Variants in KCMF1 observed in about 807,000 individuals in gnomAD.
KCMF1 encodes the protein potassium channel modulatory factor 1.
In KCMF1, 3 loss-of-function variants were observed where a neutral mutation model predicts 41.1. The observed-to-expected ratio is 0.07, with a 90% CI of 0.03 to 0.19. The LOEUF is 0.19. KCMF1 is among the 10% of genes least tolerant of loss of function. The probability of loss-of-function intolerance (pLI) is 1.00; values close to 1 mark genes in which losing one functional copy is unlikely to be tolerated. For missense variants in KCMF1, 286 were observed against 488.9 expected (o/e 0.58, Z 3.91); for synonymous variants, 142 against 164.5 (o/e 0.86, Z 1.04).
At chr2:85,009,753 G>A (rs72928897) in intron 1 of KCMF1, among the ~76,000 whole-genome samples, 252 of 152,150 alleles carry the variant, frequency 1.7e-3, no homozygotes, top group African/African-American at 5.9e-3. Context: ...CGTTTTCAAC[G>A]ATGCCTTGAG....
At chr2:85,021,030 T>G (rs1021059885) in intron 1 of KCMF1, among the ~76,000 whole-genome samples, 1 of 152,126 alleles carries the variant, frequency 6.6e-6, no homozygotes, top group Non-Finnish European at 1.5e-5. Context: ...CCACCACACT[T>G]AGCCAACTTT....
intron 5 of KCMF1, among the ~76,000 whole-genome samples, chr2:85,048,552 A>G (rs1180502609): frequency 1.3e-5 from 2 of 152,260 alleles, no homozygotes; most frequent in African/African-American, 2.4e-5. Context: ...AGTGTCTGCA[A>G]GGCAGTCATC....
chr2:85,045,838 T>A (rs375058594), intron 4 of KCMF1, among the ~76,000 whole-genome samples: 13 of 152,274 alleles, frequency 8.5e-5, no homozygotes, highest in African/African-American at 2.9e-4. Flanking sequence ...TAGGTGGTAT[T>A]TGAGATTTCA....
chr2:84,983,138 A>G (rs1243880977), intron 1 of KCMF1, among the ~76,000 whole-genome samples: 4 of 152,216 alleles, frequency 2.6e-5, no homozygotes, highest in Non-Finnish European at 2.9e-5. Context: ...ATTGGCATAG[A>G]CCATTGCTAT....
chr2:85,008,390 A>AT (rs1674563278), intron 1 of KCMF1, among the ~76,000 whole-genome samples: 1 of 109,160 alleles, frequency 9.2e-6, no homozygotes, highest in Non-Finnish European at 2.0e-5. Context: ...ATTATATATG[A>AT]TATATATTAT....
At chr2:85,024,571 AGAGAGAGAGAGAGT>A (rs1408673759) in intron 1 of KCMF1, among the ~76,000 whole-genome samples, 5 of 141,808 alleles carry the variant, frequency 3.5e-5, no homozygotes, top group South Asian at 2.3e-4. Context: ...AGAGAGAGAG[AGAGAGAGAGAGAGT>A]GTGTGTGTGT....
intron 1 of KCMF1, among the ~76,000 whole-genome samples, chr2:85,003,196 G>A (rs959902412): frequency 2.0e-4 from 30 of 152,272 alleles, no homozygotes; most frequent in African/African-American, 6.5e-4. Flanking sequence ...CTTGTTGGCC[G>A]GGCGCGGTGG....
rs534074087 is a variant in KCMF1 at position 85,054,462 on chromosome 2, T to C, written c.*1053T>C. On this transcript the variant is annotated 3_prime_UTR_variant, in exon 7 of 7. Coordinates refer to ENST00000409785, the MANE Select transcript of KCMF1 (RefSeq NM_020122.5). ...ATTCTTAATGCTAATTTTAGCACCTTTTATTTATTGGGTTTTTTCTGGCAT... is the reference window on the plus strand; with the variant it reads ...ATTCTTAATGCTAATTTTAGCACCTCTTATTTATTGGGTTTTTTCTGGCAT... The C allele has an allele frequency of 2.6e-5, 4 of 152,296 alleles. No individual in the cohort carries two copies. In the East Asian group the frequency reaches 7.7e-4, roughly 29 times the overall value. The allele number at this position is 152,296 out of a possible 1,614,324, so 9.4% of individuals were successfully genotyped here.
chr2:85,033,790 TG>T (rs1675344291), intron 2 of KCMF1, among the ~76,000 whole-genome samples: 1 of 152,014 alleles, frequency 6.6e-6, no homozygotes, highest in African/African-American at 2.4e-5. Context: ...AATTACCTAC[TG>T]GGAAAAAAAG....
At chr2:85,039,875 C>T (rs868214242) in intron 3 of KCMF1, among the ~76,000 whole-genome samples, 2 of 152,026 alleles carry the variant, frequency 1.3e-5, no homozygotes, top group South Asian at 2.1e-4. Context: ...TGCGATGGTG[C>T]GATCTCGGCT....
At chr2:84,999,472 T>G (rs1674275939) in intron 1 of KCMF1, among the ~76,000 whole-genome samples, 2 of 152,334 alleles carry the variant, frequency 1.3e-5, no homozygotes, top group South Asian at 4.1e-4. Context: ...TTATAACAAA[T>G]AATTTAATGC....
chr2:85,008,340 G>A (rs868145789), intron 1 of KCMF1, among the ~76,000 whole-genome samples: 3 of 27,316 alleles, frequency 1.1e-4, no homozygotes, highest in Admixed American at 6.4e-4. Context: ...TATATAATAT[G>A]ATATATAATA....
chr2:84,998,473 G>C (rs1224787642), intron 1 of KCMF1, among the ~76,000 whole-genome samples: 2 of 152,100 alleles, frequency 1.3e-5, no homozygotes, highest in African/African-American at 4.8e-5. Context: ...CTGATTTGCA[G>C]TATAGTCTGA....
intron 2 of KCMF1, among the ~76,000 whole-genome samples, chr2:85,033,200 A>G (rs76175650): frequency 0.08 from 12,136 of 152,278 alleles, 770 homozygotes; most frequent in East Asian, 0.34. Flanking sequence ...ATCTCCCTAA[A>G]AATGAATATG....
intron 3 of KCMF1, among the ~76,000 whole-genome samples, chr2:85,038,610 T>G (rs562838964): frequency 1.3e-5 from 2 of 152,368 alleles, no homozygotes; most frequent in Non-Finnish European, 2.9e-5. Flanking sequence ...CTTCTTCTTC[T>G]TCTTCTTTTT....
chr2:84,977,416 C>T (rs900999660), intron 1 of KCMF1, among the ~76,000 whole-genome samples: 1 of 152,096 alleles, frequency 6.6e-6, no homozygotes. Flanking sequence ...CAGATTATGA[C>T]ATTCTTAAGA....
At chr2:84,974,776 G>A (rs1169035310) in intron 1 of KCMF1, among the ~76,000 whole-genome samples, 4 of 127,614 alleles carry the variant, frequency 3.1e-5, no homozygotes, top group African/African-American at 1.2e-4. Context: ...CGTGATCTTG[G>A]CTCACTGCAA....
chr2:85,046,966 T>C (rs527887608), intron 5 of KCMF1, among the ~76,000 whole-genome samples: 4 of 152,204 alleles, frequency 2.6e-5, no homozygotes, highest in Non-Finnish European at 5.9e-5. Context: ...GGGAATCTCA[T>C]GTTCCTAATT....
intron 5 of KCMF1, among the ~76,000 whole-genome samples, chr2:85,046,584 C>T (rs1262645285): frequency 1.3e-5 from 2 of 150,678 alleles, no homozygotes; most frequent in Non-Finnish European, 2.9e-5. Flanking sequence ...GAGCCGAGAT[C>T]GCACCACTGC....
Sources: gnomAD v4.1 joint callset for allele counts (sites outside exome capture counted in the v4.1 genomes callset) on GRCh38, gnomAD v4.1.1 for gene constraint, MANE v1.5 for transcripts, NCBI Gene and HGNC (gene_info 2026-07-23, HGNC 2026-07-21) for gene names.